The following EFHC2 variants were observed in gnomAD, a reference collection of about 807,000 sequenced individuals.
EFHC2 encodes the protein EF-hand domain containing 2.
In EFHC2, 18 loss-of-function variants were observed where a neutral mutation model predicts 52.7. The ratio of observed to expected loss-of-function variants is 0.34; its 90% CI spans 0.24 to 0.51. The LOEUF (loss-of-function observed/expected upper bound fraction) is 0.51. Ranked by LOEUF, EFHC2 falls within the 20% of genes least tolerant of loss-of-function variation. The pLI is 0.97. For synonymous variants in EFHC2, 203 were observed against 204.1 expected, an observed-to-expected ratio of 0.99 and a Z score of 0.04; for missense variants, 513 against 562.5, an observed-to-expected ratio of 0.91 and a Z score of 0.89.
intron 11 of EFHC2, among the ~76,000 whole-genome samples, chrX:44,180,672 G>C (rs999548372): frequency 9.1e-6 from 1 of 110,230 alleles, no homozygotes; most frequent in Admixed American, 9.7e-5. Flanking sequence ...CCAACAGGCA[G>C]AGGTTGCGGT....
At chrX:44,217,560 T>C (rs1369866965) in intron 11 of EFHC2, among the ~76,000 whole-genome samples, 1 of 111,216 alleles carries the variant, frequency 9.0e-6, no homozygotes, top group African/African-American at 3.3e-5. Context: ...GAATGAAATT[T>C]GCTCATTATG....
At chrX:44,253,522 C>T (rs777095722) in intron 4 of EFHC2, among the ~76,000 whole-genome samples, 1 of 111,623 alleles carries the variant, frequency 9.0e-6, no homozygotes, top group South Asian at 3.8e-4. Context: ...TGTAACTGGG[C>T]GGAGTCCACC....
chrX:44,213,897 GT>G (rs1253512534), intron 11 of EFHC2, among the ~76,000 whole-genome samples: 2 of 112,081 alleles, frequency 1.8e-5, no homozygotes, highest in Non-Finnish European at 3.8e-5. Flanking sequence ...TCCAGATGAG[GT>G]GGGGGGCTTT....
At chrX:44,185,722 G>C (rs2036869059) in intron 11 of EFHC2, among the ~76,000 whole-genome samples, 1 of 110,572 alleles carries the variant, frequency 9.0e-6, no homozygotes, top group South Asian at 3.9e-4. Context: ...CTTTCTTGTA[G>C]AGATGGGGTC....
chrX:44,178,592 A>C (rs766346315), intron 11 of EFHC2, 28 bp from the exon 12 acceptor site: 1 of 1,073,568 alleles, frequency 9.3e-7, no homozygotes, highest in African/African-American at 1.9e-5. Flanking sequence ...AAACATTTAT[A>C]AACTGATATC....
At chrX:44,191,168 AC>A (rs1257931710) in intron 11 of EFHC2, among the ~76,000 whole-genome samples, 3 of 111,358 alleles carry the variant, frequency 2.7e-5, no homozygotes, top group Non-Finnish European at 3.8e-5. Context: ...CCCTGATTTA[AC>A]CCATCACTAC....
chrX:44,305,403 C>A (rs918575011), intron 2 of EFHC2, among the ~76,000 whole-genome samples: 21 of 112,309 alleles, frequency 1.9e-4, no homozygotes, highest in Non-Finnish European at 1.9e-5. Context: ...ACTTCCATGG[C>A]ACAGTTGCTG....
intron 13 of EFHC2, among the ~76,000 whole-genome samples, chrX:44,173,308 G>A (rs1306763585): frequency 8.9e-6 from 1 of 111,910 alleles, no homozygotes; most frequent in African/African-American, 3.2e-5. Flanking sequence ...TGCCTCCCAC[G>A]GGAGACTGTA....
intron 1 of EFHC2, among the ~76,000 whole-genome samples, chrX:44,313,008 T>TA (rs1471473655): frequency 1.5e-4 from 15 of 101,826 alleles, no homozygotes; most frequent in African/African-American, 4.4e-4. Context: ...TATAAAACAT[T>TA]AAAAAATGAC....
intron 11 of EFHC2, among the ~76,000 whole-genome samples, chrX:44,189,564 T>C (rs1296122434): frequency 8.9e-6 from 1 of 111,791 alleles, no homozygotes; most frequent in African/African-American, 3.3e-5. Flanking sequence ...TGAAGGGTGT[T>C]GAGCAAGACA....
intron 13 of EFHC2, 70 bp downstream of exon 13, chrX:44,176,222 A>G (rs2036785264): frequency 1.1e-6 from 1 of 884,586 alleles, no homozygotes; most frequent in Non-Finnish European, 1.6e-6. Context: ...AGGGAGATGT[A>G]AAACCAGGAA....
At chrX:44,290,133 A>G (rs1222624504) in intron 2 of EFHC2, among the ~76,000 whole-genome samples, 1 of 112,243 alleles carries the variant, frequency 8.9e-6, no homozygotes, top group Non-Finnish European at 1.9e-5. Flanking sequence ...CCAACCTGCC[A>G]TCATCTCATT....
intron 7 of EFHC2, among the ~76,000 whole-genome samples, chrX:44,245,509 C>T (rs1020054553): frequency 2.7e-5 from 3 of 111,986 alleles, no homozygotes; most frequent in African/African-American, 6.5e-5. Context: ...CTCCATCTGC[C>T]GGACCGTGTT....
chrX:44,160,763 T>C (rs1053713475), intron 14 of EFHC2, among the ~76,000 whole-genome samples: 2 of 110,172 alleles, frequency 1.8e-5, no homozygotes, highest in South Asian at 3.9e-4. Flanking sequence ...CTATTAAAAA[T>C]ACAAAAAAAT....
intron 11 of EFHC2, among the ~76,000 whole-genome samples, chrX:44,225,258 A>C (rs1211560439): frequency 9.1e-6 from 1 of 110,158 alleles, no homozygotes; most frequent in Admixed American, 9.6e-5. Context: ...ATTAAAAAAA[A>C]AAAAAACAAA....
chrX:44,172,638 G>A (rs1290831749), intron 13 of EFHC2, among the ~76,000 whole-genome samples: 2 of 112,313 alleles, frequency 1.8e-5, no homozygotes, highest in Non-Finnish European at 3.8e-5. Context: ...ATCTTAGGCA[G>A]TTGTAGTTCT....
chrX:44,251,238 CAAAAAAAAAAAA>C (rs746850685), intron 4 of EFHC2, among the ~76,000 whole-genome samples: 6 of 18,312 alleles, frequency 3.3e-4, no homozygotes, highest in Admixed American at 1.0e-3. Flanking sequence ...GACTCCATCT[CAAAAAAAAAAAA>C]AAAAAAAAAA....
At chrX:44,191,950 G>C (rs2036923858) in intron 11 of EFHC2, among the ~76,000 whole-genome samples, 1 of 111,157 alleles carries the variant, frequency 9.0e-6, no homozygotes, top group African/African-American at 3.3e-5. Flanking sequence ...CTCTTTCTGA[G>C]TTTCGGTTAT....
At chrX:44,321,626 T>C (rs1284869610) in intron 1 of EFHC2, among the ~76,000 whole-genome samples, 1 of 111,477 alleles carries the variant, frequency 9.0e-6, no homozygotes, top group Non-Finnish European at 1.9e-5. Context: ...TTTAGTATCA[T>C]GGAAACTACC....
Sources: allele counts gnomAD v4.1 joint callset (sites outside exome capture counted in the v4.1 genomes callset), GRCh38; gene constraint gnomAD v4.1.1; transcripts MANE v1.5; gene names NCBI Gene and HGNC (gene_info 2026-07-23, HGNC 2026-07-21).